Variants in GHR observed in about 807,000 individuals in gnomAD.
The protein encoded by GHR is GH receptor.
Under a neutral mutation model 67.1 loss-of-function variants are expected in GHR, and 35 were observed. The ratio of observed to expected loss-of-function variants is 0.52; its 90% confidence interval spans 0.40 to 0.69. The LOEUF (loss-of-function observed/expected upper bound fraction) is 0.69. Ranked by LOEUF, GHR falls within the 30% of genes least tolerant of loss-of-function variation. The pLI, the probability that GHR is intolerant of heterozygous loss-of-function variation, is 0.00. For synonymous variants in GHR, 272 were observed against 269.1 expected, an observed-to-expected ratio of 1.01 and a Z score of -0.10; for missense variants, 792 against 764.6, an observed-to-expected ratio of 1.04 and a Z score of -0.42.
intron 5 of GHR, among the ~76,000 whole-genome samples, chr5:42,698,640 G>C (rs1426013906): frequency 6.6e-6 from 1 of 152,240 alleles, no homozygotes; most frequent in East Asian, 1.9e-4. Flanking sequence ...GTGCACACAA[G>C]AGCTTCCCTC....
chr5:42,709,798 C>T (rs1758362992), intron 6 of GHR, among the ~76,000 whole-genome samples: 1 of 152,026 alleles, frequency 6.6e-6, no homozygotes, highest in Non-Finnish European at 1.5e-5. Context: ...TGCACTTAGA[C>T]TTGGATGAGA....
chr5:42,700,385 C>T (rs1007116605), intron 6 of GHR, among the ~76,000 whole-genome samples: 13 of 152,160 alleles, frequency 8.5e-5, no homozygotes, highest in Admixed American at 8.5e-4. Context: ...TCAGTTGCTG[C>T]TACTCAAAGG....
chr5:42,477,455 C>A lies in GHR; in HGVS notation c.-12+53500C>A, dbSNP rs917924636. ...TAGTTCTAGATCCCTGAGGAATCGC[C>A]ACACTGACTTCCACAGTGGTTGAAC... On this transcript the variant is annotated intron_variant, in intron 1 of 9. Transcript: ENST00000230882. 4.1e-4 allele frequency among the ~76,000 whole-genome samples: 62 copies of A among 152,290 alleles called. 1 individual carries two copies. The highest frequency in any genetic ancestry group is 1.5e-3 in the African/African-American group (61 of 41,546).
chr5:42,673,944 A>T (rs950330650), intron 3 of GHR, among the ~76,000 whole-genome samples: 9 of 152,196 alleles, frequency 5.9e-5, no homozygotes, highest in Non-Finnish European at 1.2e-4. Flanking sequence ...TACAATTTTT[A>T]AAAGGATAGA....
At chr5:42,509,127 G>C (rs1746904188) in intron 1 of GHR, among the ~76,000 whole-genome samples, 1 of 152,002 alleles carries the variant, frequency 6.6e-6, no homozygotes, top group South Asian at 2.1e-4. Context: ...TACTTCTCTT[G>C]CTTCATCATA....
intron 3 of GHR, among the ~76,000 whole-genome samples, chr5:42,650,650 A>G (rs1373385314): frequency 1.3e-5 from 2 of 148,522 alleles, no homozygotes; most frequent in Non-Finnish European, 3.0e-5. Flanking sequence ...CAGTTTTATT[A>G]CTTTGTAATC....
chr5:42,467,479 G>T (rs1744781922), intron 1 of GHR: 2 of 1,006,918 alleles, frequency 2.0e-6, no homozygotes, highest in Admixed American at 3.6e-5. Context: ...GCATTTTTCT[G>T]TAATGTGGAG....
chr5:42,530,531 C>T (rs1015454792), intron 1 of GHR, among the ~76,000 whole-genome samples: 4 of 152,092 alleles, frequency 2.6e-5, no homozygotes, highest in African/African-American at 9.7e-5. Flanking sequence ...ACCTAGTTTG[C>T]CTTTTTGCTC....
chr5:42,474,730 C>T (rs1255208925), intron 1 of GHR, among the ~76,000 whole-genome samples: 1 of 152,010 alleles, frequency 6.6e-6, no homozygotes, highest in African/African-American at 2.4e-5. Flanking sequence ...AATGCTTATA[C>T]AAGACAATCA....
chr5:42,583,435 T>G (rs1262930645), intron 2 of GHR, among the ~76,000 whole-genome samples: 3 of 152,216 alleles, frequency 2.0e-5, no homozygotes, highest in African/African-American at 7.2e-5. Flanking sequence ...TTTTGACATC[T>G]TCTTTCCACC....
At chr5:42,466,946 C>T (rs1296365668) in intron 1 of GHR, 71 of 1,536,546 alleles carry the variant, frequency 4.6e-5, no homozygotes, top group Non-Finnish European at 6.1e-5. Flanking sequence ...ATGAAAGCTG[C>T]ACCACACTTC....
At chr5:42,646,787 G>C (rs1169397489) in intron 3 of GHR, among the ~76,000 whole-genome samples, 1 of 152,134 alleles carries the variant, frequency 6.6e-6, no homozygotes, top group Non-Finnish European at 1.5e-5. Context: ...AGACCCCATA[G>C]TCACCACCAG....
At chr5:42,593,236 TA>T (rs1751885842) in intron 2 of GHR, among the ~76,000 whole-genome samples, 1 of 152,252 alleles carries the variant, frequency 6.6e-6, no homozygotes, top group Admixed American at 6.5e-5. Flanking sequence ...CATAAATCTA[TA>T]TTGCATCTAA....
intron 2 of GHR, among the ~76,000 whole-genome samples, chr5:42,569,078 A>T (rs1561129546): frequency 6.6e-6 from 1 of 152,206 alleles, no homozygotes; most frequent in Non-Finnish European, 1.5e-5. Context: ...TTCATGAAGG[A>T]GGTTGACATT....
chr5:42,475,952 T>TGGAGTGCAG (rs1745290036), intron 1 of GHR, among the ~76,000 whole-genome samples: 1 of 148,308 alleles, frequency 6.7e-6, no homozygotes. Flanking sequence ...GTCACCAGGC[T>TGGAGTGCAG]GGAGTGCAGT....
intron 1 of GHR, among the ~76,000 whole-genome samples, chr5:42,474,303 A>AAGAAAGAAAGAAAGAAAG (rs1554054591): frequency 1.5e-5 from 2 of 135,778 alleles, no homozygotes; most frequent in African/African-American, 5.7e-5. Context: ...AAGAGAAAGA[A>AAGAAAGAAAGAAAGAAAG]AGAAAGAAAG....
chr5:42,591,468 G>A (rs35703418), intron 2 of GHR, among the ~76,000 whole-genome samples: 13,834 of 152,262 alleles, frequency 0.091, 934 homozygotes, highest in African/African-American at 0.18. Flanking sequence ...CGATTGGAAG[G>A]GATGGAAGGT....
chr5:42,630,525 G>T lies in GHR; in HGVS notation c.136+1422G>T, dbSNP rs1222804119. Among the ~76,000 whole-genome samples the T allele has an allele frequency of 1.5e-5, 2 of 131,670 alleles. 1 individual carries two copies. The highest frequency in any genetic ancestry group is 6.4e-5 in the African/African-American group (2 of 31,136). The allele number at this position is 131,670 out of a possible 152,430, so 86.4% of individuals were successfully genotyped here. A position where few individuals can be genotyped will look rare whatever the true frequency, so the allele number is the denominator to read the frequency against. ...TTGGAGGTGACCAAAAAGGAGAGCT[G>T]GTACTGTTTTTAACAACTGTCATTC... On this transcript the variant is annotated intron_variant, in intron 3 of 9. Transcript: ENST00000230882.
chr5:42,548,989 T>TA (rs1439170699), intron 1 of GHR, among the ~76,000 whole-genome samples: 1 of 152,246 alleles, frequency 6.6e-6, no homozygotes, highest in Non-Finnish European at 1.5e-5. Flanking sequence ...TTCCATGTGT[T>TA]ACATTTCAAC....
Sources: allele counts gnomAD v4.1 joint callset (sites outside exome capture counted in the v4.1 genomes callset), GRCh38; gene constraint gnomAD v4.1.1; transcripts MANE v1.5; gene names NCBI Gene and HGNC (gene_info 2026-07-23, HGNC 2026-07-21).